The following CEMIP2 variants were observed in gnomAD, a reference collection of about 807,000 sequenced individuals.
CEMIP2 encodes cell surface hyaluronidase CEMIP2.
In CEMIP2, 79 loss-of-function variants were observed where a neutral mutation model predicts 146.9. The ratio of observed to expected loss-of-function variants is 0.54; its 90% confidence interval spans 0.45 to 0.65. The LOEUF is 0.65. CEMIP2 is among the 30% of genes least tolerant of loss of function. CEMIP2 has a pLI of 0.00. For synonymous variants in CEMIP2, 601 were observed against 606.3 expected, an observed-to-expected ratio of 0.99 and a Z score of 0.13; for missense variants, 1,596 against 1,696.2, an observed-to-expected ratio of 0.94 and a Z score of 1.04.
At position 71,746,195 on chromosome 9, in the gene CEMIP2, A is replaced by T; in HGVS notation, c.472+6T>A. ...GCAGTTCCCATAGGCAGGAACCATT[A>T]CCTACCTCCATCCTGAATGACTATA... On this transcript the variant is annotated splice_donor_region_variant and intron_variant, in intron 3 of 23. Transcript: ENST00000377044. 6.2e-7 allele frequency: 1 copy of T among 1,612,736 alleles called. No homozygotes were observed.
chr9:71,748,412 T>C (rs1166062603), intron 2 of CEMIP2, among the ~76,000 whole-genome samples: 2 of 152,222 alleles, frequency 1.3e-5, no homozygotes, highest in Non-Finnish European at 2.9e-5. Flanking sequence ...TATTTCAGCA[T>C]ACCAGATCTT....
chr9:71,693,750 A>G (rs1563994037), intron 21 of CEMIP2, among the ~76,000 whole-genome samples: 1 of 152,250 alleles, frequency 6.6e-6, no homozygotes, highest in Non-Finnish European at 1.5e-5. Flanking sequence ...TCATGTCACC[A>G]AGATAGAAGA....
chr9:71,727,569 C>A (rs1024666223), intron 10 of CEMIP2, among the ~76,000 whole-genome samples: 4 of 152,122 alleles, frequency 2.6e-5, no homozygotes, highest in African/African-American at 9.7e-5. Context: ...TGCCTTTTTT[C>A]CTGTTATCTC....
chr9:71,738,954 T>C (rs921865301), intron 5 of CEMIP2, among the ~76,000 whole-genome samples: 3 of 152,186 alleles, frequency 2.0e-5, no homozygotes, highest in African/African-American at 7.2e-5. Flanking sequence ...TTTGTATTAG[T>C]CACTAACACA....
chr9:71,733,848 CTT>C (rs757541859), intron 6 of CEMIP2, among the ~76,000 whole-genome samples: 13 of 145,478 alleles, frequency 8.9e-5, no homozygotes, highest in African/African-American at 1.3e-4. Context: ...TTTGTGTAGT[CTT>C]TTTTTTTTTT....
rs1822531885 is a variant in CEMIP2 at position 71,700,641 on chromosome 9, C to A, written c.3377+1G>T. The A allele has an allele frequency of 5.0e-6, 8 of 1,587,994 alleles. No individual in the cohort carries two copies. The highest frequency in any genetic ancestry group is 6.8e-6 in the Non-Finnish European group (8 of 1,169,620). ...CTCATTCCCTGGTTTCACTGAATTA[C>A]CCCGTGCTGGAGTCAAAATAGAATT... is the stretch of plus-strand genomic sequence containing the variant. On this transcript the variant is annotated splice_donor_variant, in intron 19 of 23. Transcript: ENST00000377044. LOFTEE classifies it high-confidence loss of function.
chr9:71,702,534 G>T (rs147621759), intron 18 of CEMIP2, among the ~76,000 whole-genome samples: 1 of 151,990 alleles, frequency 6.6e-6, no homozygotes, highest in Non-Finnish European at 1.5e-5. Context: ...ACAATGCCTC[G>T]CTTTGGTTAG....
chr9:71,720,581 C>T (rs2131935030), intron 12 of CEMIP2, among the ~76,000 whole-genome samples: 1 of 152,326 alleles, frequency 6.6e-6, no homozygotes, highest in Admixed American at 6.5e-5. Context: ...CCTGAGCCAT[C>T]ACGCCCGGCC....
intron 12 of CEMIP2, among the ~76,000 whole-genome samples, chr9:71,719,842 C>CAAAAAAAAAAAAAAAAAAAAAAAAAAA (rs34555277): frequency 1.1e-5 from 1 of 93,196 alleles, no homozygotes; most frequent in Non-Finnish European, 2.0e-5. Context: ...TAAACGAAAG[C>CAAAAAAAAAAAAAAAAAAAAAAAAAAA]AAAAAAAAAA....
chr9:71,713,652 T>C (rs1032531927), intron 15 of CEMIP2, among the ~76,000 whole-genome samples: 2 of 152,146 alleles, frequency 1.3e-5, no homozygotes, highest in African/African-American at 4.8e-5. Context: ...GACCATCACA[T>C]TGCAGCCCAT....
At chr9:71,694,786 G>A (rs1822346774) in intron 20 of CEMIP2, among the ~76,000 whole-genome samples, 179 bp from the exon 21 acceptor site, 1 of 152,068 alleles carries the variant, frequency 6.6e-6, no homozygotes, top group Non-Finnish European at 1.5e-5. Context: ...GTATATATTT[G>A]TTCCTCATTT....
chr9:71,722,786 C>T lies in CEMIP2; in HGVS notation c.2179-271G>A, dbSNP rs554589698. On this transcript the variant is annotated intron_variant, in intron 11 of 23. Coordinates refer to ENST00000377044, the MANE Select transcript of CEMIP2 (RefSeq NM_013390.3). ...CATTAGTTAACAAGAAAAATATGAT[C>T]CTTGTTGTTGCTAACACAAAAACTA... Among the ~76,000 whole-genome samples the T allele has an allele frequency of 1.1e-4, 17 of 152,216 alleles. 1 individual carries two copies. In the South Asian group the frequency reaches 3.3e-3, roughly 30 times the overall value.
chr9:71,696,956 G>A (rs4745116), intron 20 of CEMIP2, among the ~76,000 whole-genome samples: 1 of 151,930 alleles, frequency 6.6e-6, no homozygotes, highest in African/African-American at 2.4e-5. Context: ...CTTAGAATAG[G>A]AAGAAATGAA....
intron 13 of CEMIP2, 72 bp downstream of exon 13, chr9:71,717,876 A>C (rs1382282366): frequency 5.6e-6 from 8 of 1,423,624 alleles, no homozygotes; most frequent in Non-Finnish European, 7.6e-6. Context: ...CTTTCATGCT[A>C]CTGGCTTTAA....
At chr9:71,756,913 AT>A (rs1824477088) in intron 1 of CEMIP2, among the ~76,000 whole-genome samples, 1 of 152,232 alleles carries the variant, frequency 6.6e-6, no homozygotes, top group Non-Finnish European at 1.5e-5. Flanking sequence ...TTATTTTGTT[AT>A]GTTGACAGCC....
At chr9:71,716,460 A>C (rs4745117) in intron 14 of CEMIP2, 57 bp downstream of exon 14, 783,427 of 1,382,990 alleles carry the variant, frequency 0.57, 231,578 homozygotes, top group Non-Finnish European at 0.61. Flanking sequence ...CAGAAAAAAA[A>C]ATCAAGGGTT....
intron 11 of CEMIP2, among the ~76,000 whole-genome samples, chr9:71,724,978 A>G (rs2131946363): frequency 6.6e-6 from 1 of 152,298 alleles, no homozygotes; most frequent in East Asian, 1.9e-4. Context: ...ACATGAATCA[A>G]ATCCATTATG....
At chr9:71,689,972 C>A (rs1396056839) in intron 22 of CEMIP2, 120 bp downstream of exon 22, 3 of 1,263,830 alleles carry the variant, frequency 2.4e-6, no homozygotes, top group South Asian at 2.8e-5. Flanking sequence ...GAATGAACAC[C>A]TTGCATAGTG....
At position 71,728,293 on chromosome 9, in the gene CEMIP2, A is replaced by ATATATATATATATATGTG. The variant is rs1823499105; in HGVS notation, c.2049+1551_2049+1552insCACATATATATATATATA. Among the ~76,000 whole-genome samples, 14 of 39,574 alleles carry ATATATATATATATATGTG rather than the reference A, an allele frequency of 3.5e-4. 2 individuals are homozygous for ATATATATATATATATGTG. Among genetic ancestry groups the ATATATATATATATATGTG allele is most frequent in the African/African-American group, 1.3e-3 (14 of 10,668 alleles). 26.0% of individuals were successfully genotyped at this position (39,574 alleles called of 152,430 possible). A position where few individuals can be genotyped will look rare whatever the true frequency, so the allele number is the denominator to read the frequency against. ...TATATATATATATGTATATATATAT[A>ATATATATATATATATGTG]TATATATACATATATATATATATAC... On this transcript the variant is annotated intron_variant, in intron 10 of 23. Coordinates refer to ENST00000377044, the MANE Select transcript of CEMIP2 (RefSeq NM_013390.3).
Sources: gnomAD v4.1 joint callset for allele counts (sites outside exome capture counted in the v4.1 genomes callset) on GRCh38, gnomAD v4.1.1 for gene constraint, MANE v1.5 for transcripts, NCBI Gene and HGNC (gene_info 2026-07-23, HGNC 2026-07-21) for gene names.